SBK1: variants seen among roughly 807,000 people sequenced by gnomAD.
The protein encoded by SBK1 is serine/threonine-protein kinase SBK1.
SBK1 carries 11 observed loss-of-function variants against 24.4 expected under a neutral mutation model. The observed-to-expected ratio is 0.45, with a 90% confidence interval of 0.28 to 0.75. The LOEUF is 0.75. Among genes scored for constraint, SBK1 ranks in the 30% least tolerant of loss-of-function variants. The pLI is 0.12. For synonymous variants in SBK1, 308 were observed against 284.4 expected (o/e 1.08, Z -0.83); for missense variants, 467 against 620.5 (o/e 0.75, Z 2.63).
chr16:28,312,642 A>G (rs976980460), intron 1 of SBK1, among the ~76,000 whole-genome samples: 2 of 152,202 alleles, frequency 1.3e-5, no homozygotes, highest in Admixed American at 6.5e-5. Context: ...GCCAGGGCAC[A>G]TGTTTAGGTG....
At chr16:28,311,728 G>A (rs930512182) in intron 1 of SBK1, among the ~76,000 whole-genome samples, 7 of 151,942 alleles carry the variant, frequency 4.6e-5, no homozygotes, top group Admixed American at 4.6e-4. Flanking sequence ...AAGTAAATAA[G>A]TGCATTAAAT....
intron 1 of SBK1, among the ~76,000 whole-genome samples, chr16:28,300,955 G>A (rs2044674711): frequency 6.6e-6 from 1 of 152,180 alleles, no homozygotes; most frequent in Non-Finnish European, 1.5e-5. Context: ...GGAGCTCAGG[G>A]AGGCAAAGGA....
upstream of SBK1, among the ~76,000 whole-genome samples, chr16:28,288,092 A>T (rs2044577400): frequency 6.6e-6 from 1 of 152,162 alleles, no homozygotes; most frequent in African/African-American, 2.4e-5. Context: ...ACTGTACTAG[A>T]TCTAACACGT....
chr16:28,278,198 G>T (rs1279608567), intron 1 of SBK1, among the ~76,000 whole-genome samples: 1 of 152,222 alleles, frequency 6.6e-6, no homozygotes, highest in African/African-American at 2.4e-5. Context: ...CAGCTCCTCC[G>T]CCCAGCCCTC....
At chr16:28,312,848 T>C (rs2044763145) in intron 1 of SBK1, among the ~76,000 whole-genome samples, 2 of 151,044 alleles carry the variant, frequency 1.3e-5, no homozygotes. Flanking sequence ...AAAAATAAAA[T>C]ATGGGCCGGA....
chr16:28,284,349 T>C (rs1038859162), intron 1 of SBK1, among the ~76,000 whole-genome samples: 4 of 152,230 alleles, frequency 2.6e-5, no homozygotes, highest in African/African-American at 9.6e-5. Flanking sequence ...GGAGCTGGGA[T>C]GGAGCCAGCT....
chr16:28,307,159 A>G (rs939308983), intron 1 of SBK1, among the ~76,000 whole-genome samples: 2 of 152,206 alleles, frequency 1.3e-5, no homozygotes, highest in African/African-American at 4.8e-5. Flanking sequence ...GATGATGCCA[A>G]CGGGGAGGAG....
chr16:28,297,772 G>T (rs958313415), intron 1 of SBK1, among the ~76,000 whole-genome samples: 5 of 152,236 alleles, frequency 3.3e-5, no homozygotes, highest in Non-Finnish European at 7.3e-5. Context: ...GGGTGACTGA[G>T]CCTCCACAGT....
rs191623180 is a variant in SBK1 at position 28,317,012 on chromosome 16, C to T, written c.-7-373C>T. ...CTGGGCCACATAGTGGGACCCCCCT[C>T]TCTACAATCCAAATAAAACCAACGC... is the stretch of plus-strand genomic sequence containing the variant. On this transcript the variant is annotated intron_variant, in intron 1 of 3. Coordinates refer to ENST00000341901, the MANE Select transcript of SBK1 (RefSeq NM_001024401.3). This position sits in a 1 kb window ranked among gnomAD's most constrained non-coding sequence, Gnocchi z 4.2. Among the ~76,000 whole-genome samples the T allele has an allele frequency of 3.3e-5, 5 of 152,352 alleles. No homozygotes were observed. Among genetic ancestry groups the T allele is most frequent in the African/African-American group, 1.2e-4 (5 of 41,578 alleles).
chr16:28,280,141 A>ATGTG (rs1407793111), intron 1 of SBK1, among the ~76,000 whole-genome samples: 1 of 58,240 alleles, frequency 1.7e-5, no homozygotes, highest in African/African-American at 4.6e-5. Context: ...ATATATATAT[A>ATGTG]TATATATATG....
intron 2 of SBK1, among the ~76,000 whole-genome samples, chr16:28,318,640 A>G (rs887498093): frequency 6.6e-6 from 1 of 152,144 alleles, no homozygotes; most frequent in South Asian, 2.1e-4. Flanking sequence ...TTATTCATTC[A>G]TCCATTTAGC....
chr16:28,312,788 C>T (rs897542021), intron 1 of SBK1, among the ~76,000 whole-genome samples: 3 of 152,026 alleles, frequency 2.0e-5, no homozygotes, highest in Non-Finnish European at 4.4e-5. Flanking sequence ...CTGTTTGAGC[C>T]CAGGAGTTCA....
At chr16:28,261,479 A>ACACACACACACAC (rs2044397510) in intron 1 of SBK1, among the ~76,000 whole-genome samples, 1 of 142,656 alleles carries the variant, frequency 7.0e-6, no homozygotes, top group African/African-American at 2.6e-5. Flanking sequence ...ACACACACAC[A>ACACACACACACAC]ATTAGCCAGG....
rs187968835 is a variant in SBK1, at chr16:28,271,027, C to T, written c.257+11525C>T. ...TACAGGCGCCCGCCACCACGCCTGGCTAATTTTTTGTACTTTTAGTAGAGA... is the reference window on the plus strand; with the variant it reads ...TACAGGCGCCCGCCACCACGCCTGGTTAATTTTTTGTACTTTTAGTAGAGA... On this transcript the variant is annotated intron_variant, in intron 1 of 3. Coordinates refer to the SBK1 transcript ENST00000671413. 4.8e-3 allele frequency among the ~76,000 whole-genome samples: 722 copies of T among 151,846 alleles called. 5 individuals are homozygous for T. Among genetic ancestry groups the T allele is most frequent in the African/African-American group, 0.017 (701 of 41,434 alleles).
chr16:28,282,639 T>TGAATGAATGAATGAATGAAC (rs2044540579), intron 1 of SBK1, among the ~76,000 whole-genome samples: 1 of 152,096 alleles, frequency 6.6e-6, no homozygotes, highest in South Asian at 2.1e-4. Flanking sequence ...AATGAATGAA[T>TGAATGAATGAATGAATGAAC]GAATGAATGG....
chr16:28,262,879 G>A (rs898657372), intron 1 of SBK1, among the ~76,000 whole-genome samples: 1 of 152,124 alleles, frequency 6.6e-6, no homozygotes, highest in Admixed American at 6.6e-5. Flanking sequence ...TGTGTTTTGG[G>A]GTGGGGGTGG....
chr16:28,316,834 G>A (rs953634262), intron 1 of SBK1, among the ~76,000 whole-genome samples: 1 of 152,120 alleles, frequency 6.6e-6, no homozygotes, highest in Admixed American at 6.5e-5. Flanking sequence ...AGCTGTGATT[G>A]CGCCACTGCA....
chr16:28,288,291 G>C (rs1438059671), upstream of SBK1, among the ~76,000 whole-genome samples: 1 of 152,158 alleles, frequency 6.6e-6, no homozygotes, highest in African/African-American at 2.4e-5. Context: ...GCAAACCAGA[G>C]CCTTCCTGTG....
Position 28,320,836 on chromosome 16 carries a change from AG to A in SBK1, c.1194del (p.Gly401AlafsTer91). ...VPVPEPGLAP[Q>X]GPPGRTDGRA... ...GTGCCCGAGCCCGGCCTAGCTCCCC[AG>A]GGGCCCCCCGGCCGGACCGACGGCC... is the stretch of plus-strand genomic sequence containing the variant. On this transcript the variant is annotated frameshift_variant, in exon 4 of 4. Coordinates refer to ENST00000341901, the MANE Select transcript of SBK1 (RefSeq NM_001024401.3). LOFTEE classifies it high-confidence loss of function. This position sits in a 1 kb window ranked among gnomAD's most constrained non-coding sequence, Gnocchi z 8.5. 3 of 1,464,748 alleles carry A rather than the reference AG, an allele frequency of 2.0e-6. No individual in the cohort carries two copies. The highest frequency in any genetic ancestry group is 1.2e-5 in the South Asian group (1 of 80,840). The allele number at this position is 1,464,748 out of a possible 1,614,324, so 90.7% of individuals were successfully genotyped here.
Sources: gnomAD v4.1 joint callset for allele counts (sites outside exome capture counted in the v4.1 genomes callset) on GRCh38, gnomAD v4.1.1 for gene constraint, Gnocchi (gnomAD v3.1) non-coding constraint, MANE v1.5 for transcripts, NCBI Gene and HGNC (gene_info 2026-07-23, HGNC 2026-07-21) for gene names.